The following LPA variants were observed in gnomAD, a reference collection of about 807,000 sequenced individuals.
LPA encodes lipoprotein(a), also known as apolipoprotein(a).
Under a neutral mutation model 197.9 loss-of-function variants are expected in LPA, and 199 were observed. The ratio of observed to expected loss-of-function variants is 1.01; its 90% CI spans 0.90 to 1.13. The LOEUF is 1.13. LPA is among the 50% of genes most tolerant of loss of function. The probability of loss-of-function intolerance (pLI) is 0.00; values close to 1 mark genes in which losing one functional copy is unlikely to be tolerated. For synonymous variants in LPA, 715 were observed against 639.5 expected (o/e 1.12, Z -1.78); for missense variants, 1,853 against 1,785.8 (o/e 1.04, Z -0.68).
Position 160,595,448 on chromosome 6 carries a change from G to A in LPA, c.3375C>T (p.Tyr1125=), listed in dbSNP as rs2115049022. 1 of 1,613,896 alleles carries A rather than the reference G, an allele frequency of 6.2e-7. No homozygotes were observed. The highest frequency in any genetic ancestry group is 8.5e-7 in the Non-Finnish European group (1 of 1,179,920). ...YTMDPSVRWE[Y]CNLTQCLVTE... is the part of the protein sequence containing the mutation. The stretch of plus-strand genomic sequence containing the variant: ...TCACCAGGCATTGTGTCAGGTTGCA[G>A]TACTCCCACCTGACACTGGGATCCA... The change falls in exon 21 of 39, where the codon TAC becomes TAT. Residue 1125 remains tyrosine (Y), a synonymous_variant. Coordinates refer to ENST00000316300, the MANE Select transcript of LPA (RefSeq NM_005577.4).
Position 160,589,799 on chromosome 6 carries a change from C to A in LPA, c.3788-87G>T, listed in dbSNP as rs898087533. On this transcript the variant is annotated intron_variant, in intron 23 of 38. Transcript: ENST00000316300. ...AAAATCCATGATAGAAACAGGACAT[C>A]ATCTCTGAAAATGACGACCATGCTC... The A allele has an allele frequency of 3.8e-5, 56 of 1,487,650 alleles. No individual in the cohort carries two copies. In the South Asian group the frequency reaches 5.6e-4, roughly 15 times the overall value. The allele number at this position is 1,487,650 out of a possible 1,614,324, so 92.2% of individuals were successfully genotyped here. A position where few individuals can be genotyped will look rare whatever the true frequency, so the allele number is the denominator to read the frequency against.
chr6:160,595,235 C>T, intron 21 of LPA, 119 bp downstream of exon 21: 1 of 1,301,476 alleles, frequency 7.7e-7, no homozygotes, highest in Non-Finnish European at 1.1e-6. Context: ...GTGGCTGACC[C>T]TGAGTCCACA....
Position 160,659,085 on chromosome 6 carries a change from G to T in LPA, c.49+5081C>A, listed in dbSNP as rs148561412. On this transcript the variant is annotated intron_variant, in intron 1 of 38. Transcript: ENST00000316300. ...AGACAGTCCAAGTCCCACAGCTGAAGAACTTGGAGTCCGATGTTCAAGAGC... is the reference window on the plus strand; with the variant it reads ...AGACAGTCCAAGTCCCACAGCTGAATAACTTGGAGTCCGATGTTCAAGAGC... 5.1e-3 allele frequency among the ~76,000 whole-genome samples: 781 copies of T among 152,302 alleles called. 4 individuals are homozygous for T. Among genetic ancestry groups the T allele is most frequent in the Non-Finnish European group, 8.8e-3 (602 of 68,024 alleles).
At chr6:160,599,054 G>A (rs1779184643) in intron 20 of LPA, among the ~76,000 whole-genome samples, 2 of 152,176 alleles carry the variant, frequency 1.3e-5, no homozygotes, top group Admixed American at 6.5e-5. Context: ...CTTAAAAAAT[G>A]TCTTCTCAGC....
chr6:160,591,574 A>G, intron 22 of LPA, among the ~76,000 whole-genome samples: 1 of 152,236 alleles, frequency 6.6e-6, no homozygotes, highest in Non-Finnish European at 1.5e-5. Flanking sequence ...CACATGATCT[A>G]CATTCATGAA....
At chr6:160,571,014 C>T (rs548196000) in intron 28 of LPA, among the ~76,000 whole-genome samples, 22 of 152,254 alleles carry the variant, frequency 1.4e-4, no homozygotes, top group Non-Finnish European at 2.5e-4. Context: ...ACCAATCAAA[C>T]GTAGGTTCAA....
At chr6:160,654,189 T>G (rs189727883) in intron 1 of LPA, among the ~76,000 whole-genome samples, 30 of 135,974 alleles carry the variant, frequency 2.2e-4, no homozygotes, top group African/African-American at 7.8e-4. Context: ...CTCTGCAAGC[T>G]GAGGAGCAAG....
At chr6:160,558,935 C>A (rs569115670) in intron 28 of LPA, among the ~76,000 whole-genome samples, 15 of 152,336 alleles carry the variant, frequency 9.8e-5, no homozygotes, top group African/African-American at 3.6e-4. Flanking sequence ...CCAGCCTAGA[C>A]CCCCATTTGA....
At chr6:160,605,646 C>G (rs891237321) in intron 17 of LPA, among the ~76,000 whole-genome samples, 14 of 152,138 alleles carry the variant, frequency 9.2e-5, no homozygotes, top group Non-Finnish European at 1.6e-4. Flanking sequence ...GAGAAACGGA[C>G]AGACATGAAA....
intron 24 of LPA, 79 bp downstream of exon 24, chr6:160,589,474 A>T: frequency 6.5e-7 from 1 of 1,546,382 alleles, no homozygotes; most frequent in Non-Finnish European, 8.9e-7. Flanking sequence ...GGTCATAAGA[A>T]GTTAGCTGGA....
intron 37 of LPA, among the ~76,000 whole-genome samples, chr6:160,536,881 A>T (rs1464147682): frequency 6.6e-6 from 1 of 152,254 alleles, no homozygotes; most frequent in African/African-American, 2.4e-5. Flanking sequence ...TAATCTTTTT[A>T]AAAACACAAA....
intron 28 of LPA, among the ~76,000 whole-genome samples, chr6:160,567,508 G>C (rs1241595942): frequency 2.0e-5 from 3 of 152,174 alleles, no homozygotes; most frequent in Non-Finnish European, 4.4e-5. Context: ...TGTAGGGGGA[G>C]ATTTACAGCA....
At chr6:160,567,370 T>C (rs1346744908) in intron 28 of LPA, among the ~76,000 whole-genome samples, 1 of 152,202 alleles carries the variant, frequency 6.6e-6, no homozygotes, top group East Asian at 1.9e-4. Flanking sequence ...ATATGGAAAC[T>C]GAACAACCTG....
At chr6:160,577,672 C>A (rs995791836) in intron 27 of LPA, among the ~76,000 whole-genome samples, 1 of 152,134 alleles carries the variant, frequency 6.6e-6, no homozygotes, top group African/African-American at 2.4e-5. Context: ...GGGGCCGACA[C>A]AAGACCCTTG....
At chr6:160,590,002 T>C (rs1778994813) in intron 23 of LPA, among the ~76,000 whole-genome samples, 2 of 152,212 alleles carry the variant, frequency 1.3e-5, no homozygotes. Flanking sequence ...CAAAGATCTC[T>C]TTTGGGTGTT....
chr6:160,587,346 AT>A (rs1778929715), intron 24 of LPA, among the ~76,000 whole-genome samples: 1 of 152,072 alleles, frequency 6.6e-6, no homozygotes, highest in Non-Finnish European at 1.5e-5. Flanking sequence ...ACTGAATGTC[AT>A]TGGTTTGGAC....
At chr6:160,562,376 A>G (rs1474637138) in intron 28 of LPA, among the ~76,000 whole-genome samples, 1 of 152,162 alleles carries the variant, frequency 6.6e-6, no homozygotes, top group African/African-American at 2.4e-5. Context: ...ATGTTTATTG[A>G]TTTGAATATG....
chr6:160,560,832 G>C (rs112230474), intron 28 of LPA, among the ~76,000 whole-genome samples: 9,213 of 152,178 alleles, frequency 0.061, 960 homozygotes, highest in African/African-American at 0.21. Context: ...TGGTTTTGCT[G>C]TTTTAGTCAT....
intron 23 of LPA, among the ~76,000 whole-genome samples, chr6:160,590,105 C>T (rs117935574): frequency 0.012 from 1,846 of 152,280 alleles, 18 homozygotes; most frequent in Non-Finnish European, 0.019. Flanking sequence ...GAAACCGTCA[C>T]ACATTTCTCC....
Sources: allele counts gnomAD v4.1 joint callset (sites outside exome capture counted in the v4.1 genomes callset), GRCh38; gene constraint gnomAD v4.1.1; transcripts MANE v1.5; gene names NCBI Gene and HGNC (gene_info 2026-07-23, HGNC 2026-07-21).